The following LOC128462377 variants were observed in gnomAD, a reference collection of about 807,000 sequenced individuals.
the LOC128462377 span, among the ~76,000 whole-genome samples, chr16:89,337,680 T>C: frequency 1.3e-5 from 2 of 152,168 alleles, no homozygotes; most frequent in Non-Finnish European, 2.9e-5. Context: ...GACCTCGGGA[T>C]CCACCCGCCT....
the LOC128462377 span, among the ~76,000 whole-genome samples, chr16:89,332,349 T>C: frequency 2.6e-5 from 4 of 152,178 alleles, no homozygotes; most frequent in African/African-American, 9.7e-5. Context: ...CAAGCACCTC[T>C]GGTGGGCTGT....
chr16:89,360,215 T>C, the LOC128462377 span, among the ~76,000 whole-genome samples: 1 of 152,208 alleles, frequency 6.6e-6, no homozygotes, highest in Non-Finnish European at 1.5e-5. Context: ...GCTCCATCCA[T>C]GTTCCCATAA....
chr16:89,362,147 T>A, the LOC128462377 span, among the ~76,000 whole-genome samples: 1 of 152,230 alleles, frequency 6.6e-6, no homozygotes, highest in Non-Finnish European at 1.5e-5. Context: ...GCTTAACAAA[T>A]GTGAGTGGAT....
chr16:89,403,227 C>G, the LOC128462377 span, among the ~76,000 whole-genome samples: 2 of 152,206 alleles, frequency 1.3e-5, no homozygotes, highest in African/African-American at 4.8e-5. Context: ...TTCTGCTTTA[C>G]GGGCACTGAC....
chr16:89,389,289 T>G, the LOC128462377 span, among the ~76,000 whole-genome samples: 1 of 151,968 alleles, frequency 6.6e-6, no homozygotes, highest in Non-Finnish European at 1.5e-5. Flanking sequence ...CTTCCTACAG[T>G]GCTGGGATTA....
the LOC128462377 span, among the ~76,000 whole-genome samples, chr16:89,404,163 C>T: frequency 6.6e-6 from 1 of 152,118 alleles, no homozygotes; most frequent in Non-Finnish European, 1.5e-5. Context: ...TGGACACAGC[C>T]CACAGGTGGC....
chr16:89,319,781 G>A, the LOC128462377 span, among the ~76,000 whole-genome samples: 8 of 152,250 alleles, frequency 5.3e-5, no homozygotes, highest in East Asian at 5.8e-4. Context: ...GGCACCAGGC[G>A]TGCAGCACGC....
chr16:89,408,472 G>T, the LOC128462377 span, among the ~76,000 whole-genome samples: 1 of 152,362 alleles, frequency 6.6e-6, no homozygotes, highest in East Asian at 1.9e-4. Context: ...GAGCGTGGTG[G>T]CAAGTGGCCG....
chr16:89,317,728 C>T, the LOC128462377 span, among the ~76,000 whole-genome samples: 144 of 152,274 alleles, frequency 9.5e-4, no homozygotes, highest in Middle Eastern at 3.4e-3. Context: ...CCAGGAAATC[C>T]GAGGACACAT....
the LOC128462377 span, chr16:89,360,748 T>C: frequency 6.6e-6 from 1 of 152,266 alleles, no homozygotes; most frequent in Non-Finnish European, 1.5e-5. Context: ...CATGTGGCTA[T>C]GGAGAGGAAG....
At chr16:89,376,827 C>T in the LOC128462377 span, among the ~76,000 whole-genome samples, 3 of 152,152 alleles carry the variant, frequency 2.0e-5, no homozygotes, top group Admixed American at 6.5e-5. Flanking sequence ...GAAAGAGAAG[C>T]GAGCACTGGG....
the LOC128462377 span, among the ~76,000 whole-genome samples, chr16:89,401,337 A>G: frequency 6.6e-6 from 1 of 152,238 alleles, no homozygotes; most frequent in East Asian, 1.9e-4. Context: ...TTGGCCTCCC[A>G]AAGTGCTGGG....
chr16:89,355,433 G>A, the LOC128462377 span, among the ~76,000 whole-genome samples: 1 of 152,308 alleles, frequency 6.6e-6, no homozygotes, highest in East Asian at 1.9e-4. Flanking sequence ...TCATCAGCCA[G>A]ACTGTTTGCC....
chr16:89,377,014 G>A, the LOC128462377 span, among the ~76,000 whole-genome samples: 282 of 152,248 alleles, frequency 1.9e-3, 2 homozygotes, highest in Middle Eastern at 6.8e-3. Flanking sequence ...CCCTTTTTCC[G>A]GACTGCTTCC....
At chr16:89,395,788 C>G in the LOC128462377 span, 231 of 152,340 alleles carry the variant, frequency 1.5e-3, no homozygotes, top group African/African-American at 5.4e-3. Context: ...TGCTTAATAA[C>G]AATGCCTTCT....
chr16:89,397,962 C>T, the LOC128462377 span, among the ~76,000 whole-genome samples: 3 of 152,230 alleles, frequency 2.0e-5, no homozygotes, highest in African/African-American at 4.8e-5. Context: ...GTTGTTGAAT[C>T]GGTGCAATAT....
chr16:89,356,190 A>G, the LOC128462377 span, among the ~76,000 whole-genome samples: 2 of 152,250 alleles, frequency 1.3e-5, no homozygotes, highest in African/African-American at 2.4e-5. Flanking sequence ...ATCTTTGTTT[A>G]TAACATTTAT....
chr16:89,372,262 C>A, the LOC128462377 span, among the ~76,000 whole-genome samples: 1 of 152,236 alleles, frequency 6.6e-6, no homozygotes, highest in African/African-American at 2.4e-5. Context: ...GCAGCCCGAG[C>A]CTCTCACTGA....
the LOC128462377 span, among the ~76,000 whole-genome samples, chr16:89,394,010 C>T: frequency 6.6e-6 from 1 of 152,198 alleles, no homozygotes; most frequent in African/African-American, 2.4e-5. Context: ...GGTTCCCAGA[C>T]CCCAGTGTTT....
Sources: gnomAD v4.1 joint callset for allele counts (sites outside exome capture counted in the v4.1 genomes callset) on GRCh38, gnomAD v4.1.1 for gene constraint, MANE v1.5 for transcripts.